CASK: variants seen among roughly 807,000 people sequenced by gnomAD.
The protein encoded by CASK is peripheral plasma membrane protein CASK.
In CASK, 4 loss-of-function variants were observed where a neutral mutation model predicts 82.9. The ratio of observed to expected loss-of-function variants is 0.05; its 90% CI spans 0.02 to 0.11. The LOEUF (loss-of-function observed/expected upper bound fraction) is 0.11, where lower values mean the gene tolerates loss of function less well. Among genes scored for constraint, CASK ranks in the 10% least tolerant of loss-of-function variants. CASK has a pLI of 1.00. For synonymous variants in CASK, 259 were observed against 253.5 expected, an observed-to-expected ratio of 1.02 and a Z score of -0.20; for missense variants, 358 against 720.9, an observed-to-expected ratio of 0.50 and a Z score of 5.76.
chrX:41,818,893 A>G (rs2070471699), intron 2 of CASK, among the ~76,000 whole-genome samples: 1 of 111,308 alleles, frequency 9.0e-6, no homozygotes, highest in African/African-American at 3.3e-5. Flanking sequence ...TTAACTCAAA[A>G]TGGACCAAAG....
At chrX:41,522,734 A>C (rs748479368) in intron 26 of CASK, among the ~76,000 whole-genome samples, 7 of 112,445 alleles carry the variant, frequency 6.2e-5, no homozygotes, top group Non-Finnish European at 1.1e-4. Context: ...GGCTGAAAGT[A>C]TCACATTTTT....
intron 2 of CASK, among the ~76,000 whole-genome samples, chrX:41,796,832 T>C (rs926414323): frequency 8.9e-6 from 1 of 112,028 alleles, no homozygotes; most frequent in Non-Finnish European, 1.9e-5. Flanking sequence ...TTACCCTAGT[T>C]TCAGCCCTCA....
chrX:41,645,626 G>A (rs1174441454), intron 8 of CASK, among the ~76,000 whole-genome samples: 1 of 111,302 alleles, frequency 9.0e-6, no homozygotes, highest in Non-Finnish European at 1.9e-5. Flanking sequence ...AATCCTCCCT[G>A]AAGGCAATGG....
chrX:41,827,130 T>C (rs1369490341), intron 2 of CASK, among the ~76,000 whole-genome samples: 2 of 112,017 alleles, frequency 1.8e-5, no homozygotes, highest in East Asian at 5.6e-4. Context: ...TTAATAATCT[T>C]GGGAAAATTT....
rs1556003096 is a variant in CASK, at chrX:41,633,056, A to AT, written c.915+3521_915+3522insA. 2.2e-3 allele frequency among the ~76,000 whole-genome samples: 187 copies of AT among 86,329 alleles called. 3 individuals carry two copies. Among genetic ancestry groups the AT allele is most frequent in the African/African-American group, 6.4e-3 (177 of 27,588 alleles). The allele number at this position is 86,329 out of a possible 115,157, so 75.0% of individuals were successfully genotyped here. ...AAGACTCTCTCAAAAAAAAAAAAAA[A>AT]AATAATAATAATAATAAAGAAAAAC... is the stretch of plus-strand genomic sequence containing the variant. On this transcript the variant is annotated intron_variant, in intron 9 of 26. Transcript: ENST00000378163.
rs772516173 is a variant in CASK at position 41,657,643 on chromosome X, C to T, written c.831+2796G>A. ...GTTCAAGCGATTCTCCTGCCTCAGCCTCCCAAGTAGCTGGGATTACAGGCA... is the reference window on the plus strand; with the variant it reads ...GTTCAAGCGATTCTCCTGCCTCAGCTTCCCAAGTAGCTGGGATTACAGGCA... On this transcript the variant is annotated intron_variant, in intron 8 of 26. Coordinates refer to ENST00000378163, the MANE Select transcript of CASK (RefSeq NM_001367721.1). 1.9e-4 allele frequency among the ~76,000 whole-genome samples: 21 copies of T among 111,259 alleles called. 1 individual carries two copies. In the Admixed American group the frequency reaches 2.0e-3, roughly 11 times the overall value.
rs151245538 is a variant in CASK at position 41,723,786 on chromosome X, T to C, written c.429+15598A>G. Among the ~76,000 whole-genome samples, 20 of 112,214 alleles carry C rather than the reference T, an allele frequency of 1.8e-4. No individual in the cohort carries two copies. The East Asian group carries it at 5.6e-3, about 31-fold the overall frequency. ...TAGTAAGTTATAAGAAAACTTTGAGTTTTGTTTCTATTTTTGATAAAGATG... is the reference window on the plus strand; with the variant it reads ...TAGTAAGTTATAAGAAAACTTTGAGCTTTGTTTCTATTTTTGATAAAGATG... On this transcript the variant is annotated intron_variant, in intron 5 of 26. Transcript: ENST00000378163.
At chrX:41,844,291 TATGAATTCTATAAAC>T (rs2071106624) in intron 2 of CASK, among the ~76,000 whole-genome samples, 1 of 111,836 alleles carries the variant, frequency 8.9e-6, no homozygotes. Flanking sequence ...GAAGGAATTA[TATGAATTCTATAAAC>T]ATGTAGTAGA....
At chrX:41,642,732 G>T (rs1337103566) in intron 8 of CASK, among the ~76,000 whole-genome samples, 4 of 112,015 alleles carry the variant, frequency 3.6e-5, no homozygotes, top group Non-Finnish European at 7.5e-5. Context: ...ATTTTGCTGT[G>T]CAGAAGCTCT....
rs2064595025 is a variant in CASK, at chrX:41,518,690, A to G, written c.*1730T>C. ...AGAGGAGCTGTTCAGCTCAGAACAC[A>G]CCCTGCACATCCTGCCAAGGCACAA... On this transcript the variant is annotated 3_prime_UTR_variant, in exon 27 of 27. Coordinates refer to ENST00000378163, the MANE Select transcript of CASK (RefSeq NM_001367721.1). The G allele has an allele frequency of 1.8e-5, 2 of 110,643 alleles. No homozygotes were observed. The highest frequency in any genetic ancestry group is 7.7e-4 in the South Asian group (2 of 2,586). The allele number at this position is 110,643 out of a possible 1,213,427, so 9.1% of individuals were successfully genotyped here.
At chrX:41,636,263 G>C (rs1040943411) in intron 9 of CASK, among the ~76,000 whole-genome samples, 1 of 111,298 alleles carries the variant, frequency 9.0e-6, no homozygotes, top group Non-Finnish European at 1.9e-5. Flanking sequence ...AAATATTTAA[G>C]TTTGAAAAAA....
chrX:41,654,188 C>T (rs185773662), intron 8 of CASK, among the ~76,000 whole-genome samples: 2 of 111,966 alleles, frequency 1.8e-5, no homozygotes, highest in Admixed American at 1.9e-4. Context: ...GCGTAATTAA[C>T]AAAAGACTGG....
intron 1 of CASK, among the ~76,000 whole-genome samples, chrX:41,871,461 G>A (rs1042899310): frequency 9.0e-6 from 1 of 111,640 alleles, no homozygotes; most frequent in African/African-American, 3.3e-5. Context: ...AGTCTATGTT[G>A]GTTGTTTATG....
At position 41,716,814 on chromosome X, in the gene CASK, C is replaced by T. The variant is rs1248831848; in HGVS notation, c.429+22570G>A. Among the ~76,000 whole-genome samples, 4 of 111,884 alleles carry T rather than the reference C, an allele frequency of 3.6e-5. No individual in the cohort carries two copies. In the East Asian group the frequency reaches 8.4e-4, roughly 24 times the overall value. Reference sequence around the variant, plus strand: ...TCCCTGGTGGTAAAAACAGCCCACTCGTTCTGCTGTGCCTATGGAACCTTA... The same window carrying T: ...TCCCTGGTGGTAAAAACAGCCCACTTGTTCTGCTGTGCCTATGGAACCTTA... On this transcript the variant is annotated intron_variant, in intron 5 of 26. Transcript: ENST00000378163.
rs149812989 is a variant in CASK, at chrX:41,692,154, G to C, written c.430-20624C>G. On this transcript the variant is annotated intron_variant, in intron 5 of 26. Transcript: ENST00000378163. ...AAGTAATATAAATGTGTTTAACACA[G>C]TGTCTGGTACACAGAAAGTACTAAA... Among the ~76,000 whole-genome samples the C allele has an allele frequency of 3.3e-3, 370 of 112,286 alleles. 3 individuals carry two copies. Among genetic ancestry groups the C allele is most frequent in the African/African-American group, 0.011 (348 of 30,906 alleles).
rs2072824628 is a variant in CASK, at chrX:41,923,445, G to A, written c.-457C>T. 1 of 111,331 alleles carries A rather than the reference G, an allele frequency of 9.0e-6. No homozygotes were observed. Among genetic ancestry groups the A allele is most frequent in the African/African-American group, 3.2e-5 (1 of 30,776 alleles). 9.2% of individuals were successfully genotyped at this position (111,331 alleles called of 1,213,427 possible). On this transcript the variant is annotated 5_prime_UTR_variant, in exon 1 of 27. Coordinates refer to ENST00000378163, the MANE Select transcript of CASK (RefSeq NM_001367721.1). Reference sequence around the variant, plus strand: ...AGGACCATGGAGCGAGGATCGCCGCGGAGGGAGGTGGCGGCGGCGGCGGAT... The same window carrying A: ...AGGACCATGGAGCGAGGATCGCCGCAGAGGGAGGTGGCGGCGGCGGCGGAT...
intron 2 of CASK, among the ~76,000 whole-genome samples, chrX:41,788,158 CAAAAAA>C (rs372992298): frequency 1.2e-4 from 5 of 42,017 alleles, no homozygotes; most frequent in Non-Finnish European, 2.1e-4. Flanking sequence ...AACTCTGTCT[CAAAAAA>C]AAAAAAAAAA....
intron 3 of CASK, among the ~76,000 whole-genome samples, chrX:41,770,354 ATCCATCCG>A (rs1353909782): frequency 2.9e-5 from 3 of 105,127 alleles, no homozygotes; most frequent in Non-Finnish European, 5.9e-5. Context: ...CCATCCATCC[ATCCATCCG>A]TTTTTTGAGA....
chrX:41,598,134 G>GACACACACACAC (rs757204318), intron 12 of CASK, among the ~76,000 whole-genome samples: 12 of 99,924 alleles, frequency 1.2e-4, no homozygotes, highest in African/African-American at 4.1e-4. Context: ...CTGAGGCCCT[G>GACACACACACAC]ACACACACAC....
Sources: gnomAD v4.1 joint callset for allele counts (sites outside exome capture counted in the v4.1 genomes callset) on GRCh38, gnomAD v4.1.1 for gene constraint, MANE v1.5 for transcripts, NCBI Gene and HGNC (gene_info 2026-07-23, HGNC 2026-07-21) for gene names.